Variants in SHANK2 observed in about 807,000 individuals in gnomAD.
SHANK2 encodes SH3 and multiple ankyrin repeat domains protein 2.
SHANK2 carries 43 observed loss-of-function variants against 133.7 expected under a neutral mutation model. That is an observed-to-expected ratio of 0.32 (90% CI 0.25 to 0.41). The LOEUF is 0.41. Ranked by LOEUF, SHANK2 falls within the 10% of genes least tolerant of loss-of-function variation. SHANK2 has a pLI of 1.00. For synonymous variants in SHANK2, 1,017 were observed against 952.8 expected, an observed-to-expected ratio of 1.07 and a Z score of -1.24; for missense variants, 1,994 against 2,235.8, an observed-to-expected ratio of 0.89 and a Z score of 2.18.
chr11:71,205,602 C>T (rs1298432150), intron 2 of SHANK2, among the ~76,000 whole-genome samples: 1 of 152,172 alleles, frequency 6.6e-6, no homozygotes, highest in African/African-American at 2.4e-5. Flanking sequence ...AAGTCCGAGT[C>T]GGCCACCCAG....
chr11:70,820,228 G>C (rs1948486868), intron 12 of SHANK2, 136 bp downstream of exon 12: 1 of 568,004 alleles, frequency 1.8e-6, no homozygotes, highest in African/African-American at 1.9e-5. Context: ...GCAAAACTCA[G>C]GCATGAAAGT....
chr11:70,529,692 T>A, intron 17 of SHANK2, among the ~76,000 whole-genome samples: 1 of 152,052 alleles, frequency 6.6e-6, no homozygotes, highest in East Asian at 1.9e-4. Context: ...TCATAAGCAG[T>A]CACTCCCCTC....
rs1224507944 is a variant in SHANK2, at chr11:71,110,666, C to T, written c.484-617G>A. Among the ~76,000 whole-genome samples, 8 of 152,290 alleles carry T rather than the reference C, an allele frequency of 5.3e-5. No homozygotes were observed. The South Asian group carries it at 8.3e-4, about 16-fold the overall frequency. ...CTGGTGCACTCGGGAGACCCACCCTCGCCAGGGTGCACCACAAGCCCTGAG... is the reference window on the plus strand; with the variant it reads ...CTGGTGCACTCGGGAGACCCACCCTTGCCAGGGTGCACCACAAGCCCTGAG... On this transcript the variant is annotated intron_variant, in intron 5 of 25. Coordinates refer to ENST00000601538, the MANE Select transcript of SHANK2 (RefSeq NM_012309.5).
intron 11 of SHANK2, among the ~76,000 whole-genome samples, chr11:70,874,254 A>T (rs1555070762): frequency 6.6e-6 from 1 of 151,904 alleles, no homozygotes; most frequent in East Asian, 1.9e-4. Context: ...CTATCCCTCT[A>T]ATCTAATCTA....
chr11:70,863,277 T>A, intron 11 of SHANK2: 1 of 455,532 alleles, frequency 2.2e-6, no homozygotes, highest in Non-Finnish European at 4.4e-6. Flanking sequence ...TGGCTGTCTC[T>A]GTTTCAGCTG....
At chr11:71,120,100 G>C (rs1952055733) in intron 3 of SHANK2, among the ~76,000 whole-genome samples, 1 of 152,154 alleles carries the variant, frequency 6.6e-6, no homozygotes, top group Non-Finnish European at 1.5e-5. Context: ...GTTAAATAGT[G>C]TCAACAGGGC....
intron 2 of SHANK2, among the ~76,000 whole-genome samples, chr11:71,204,740 A>C (rs1555117733): frequency 6.6e-6 from 1 of 152,024 alleles, no homozygotes; most frequent in East Asian, 1.9e-4. Flanking sequence ...CCAAGAATGC[A>C]CTCATTCTGG....
rs782069011 is a variant in SHANK2 at position 70,908,050 on chromosome 11, G to A, written c.1108-11483C>T. ...CGGGAAGTGGAGGTTGCAGTGAGCC[G>A]GGATCGTGCCATTGCACTCTGCGCA... On this transcript the variant is annotated intron_variant, in intron 10 of 25. Transcript: ENST00000601538. The A allele has an allele frequency of 5.7e-5, 22 of 388,354 alleles. No individual in the cohort carries two copies. In the Middle Eastern group the frequency reaches 1.3e-3, roughly 22 times the overall value. The allele number at this position is 388,354 out of a possible 1,614,324, so 24.1% of individuals were successfully genotyped here. A position where few individuals can be genotyped will look rare whatever the true frequency, so the allele number is the denominator to read the frequency against.
At chr11:70,505,792 C>A (rs1416959627) in intron 17 of SHANK2, among the ~76,000 whole-genome samples, 1 of 152,086 alleles carries the variant, frequency 6.6e-6, no homozygotes, top group African/African-American at 2.4e-5. Context: ...GGGACTTTAA[C>A]AGCCTGGCCA....
At chr11:70,823,815 G>A (rs893489390) in intron 11 of SHANK2, among the ~76,000 whole-genome samples, 21 of 149,062 alleles carry the variant, frequency 1.4e-4, no homozygotes, top group African/African-American at 4.7e-4. Context: ...GGCGGTGGCC[G>A]AGTTCATGAG....
At chr11:70,493,164 T>C (rs1420699821) in intron 21 of SHANK2, among the ~76,000 whole-genome samples, 1 of 151,490 alleles carries the variant, frequency 6.6e-6, no homozygotes, top group Non-Finnish European at 1.5e-5. Flanking sequence ...TTTTGAAGTT[T>C]TTTTTTTTGT....
At chr11:70,526,772 C>T (rs1225402497) in intron 17 of SHANK2, among the ~76,000 whole-genome samples, 1 of 152,086 alleles carries the variant, frequency 6.6e-6, no homozygotes, top group Admixed American at 6.5e-5. Flanking sequence ...CTCCCCCTCC[C>T]CTACTCTCAG....
Position 70,608,847 on chromosome 11 carries a change from C to A in SHANK2, c.2061+50981G>T, listed in dbSNP as rs182444595. 1.5e-3 allele frequency among the ~76,000 whole-genome samples: 224 copies of A among 152,346 alleles called. 1 individual carries two copies. Among genetic ancestry groups the A allele is most frequent in the African/African-American group, 5.1e-3 (211 of 41,584 alleles). On this transcript the variant is annotated intron_variant, in intron 17 of 25. Transcript: ENST00000601538. ...TCTATTACGCAAAACCTCATTCCAG[C>A]GGCTATAAATAACCCTTACAACACA...
chr11:70,661,790 G>T (rs1555013486), intron 15 of SHANK2, 112 bp from the exon 16 acceptor site: 1 of 1,613,130 alleles, frequency 6.2e-7, no homozygotes, highest in South Asian at 1.1e-5. Context: ...ACCCCAGCTC[G>T]CCAGATCCAG....
At chr11:70,502,368 C>A in intron 18 of SHANK2, 82 bp from the exon 19 acceptor site, 2 of 1,358,560 alleles carry the variant, frequency 1.5e-6, no homozygotes, top group Non-Finnish European at 2.0e-6. Flanking sequence ...GGCCCTGTGG[C>A]TGGCAGGTGG....
At chr11:70,877,611 A>G (rs1358842239) in intron 11 of SHANK2, among the ~76,000 whole-genome samples, 1 of 152,126 alleles carries the variant, frequency 6.6e-6, no homozygotes, top group Non-Finnish European at 1.5e-5. Context: ...GGACTCTACC[A>G]AGGGCCTGAT....
rs7106680 is a variant in SHANK2, at chr11:70,554,265, G to A, written c.2062-51334C>T. On this transcript the variant is annotated intron_variant, in intron 17 of 25. Transcript: ENST00000601538. ...CCCCTCCTAAGAGCCTGGCTTTGATGAGCCCCCAAGGGGGTCCAGTCTCAG... is the reference window on the plus strand; with the variant it reads ...CCCCTCCTAAGAGCCTGGCTTTGATAAGCCCCCAAGGGGGTCCAGTCTCAG... Among the ~76,000 whole-genome samples, 170 of 152,256 alleles carry A rather than the reference G, an allele frequency of 1.1e-3. 1 individual carries two copies. Among genetic ancestry groups the A allele is most frequent in the African/African-American group, 3.9e-3 (163 of 41,540 alleles).
intron 17 of SHANK2, among the ~76,000 whole-genome samples, chr11:70,616,032 G>A (rs181136451): frequency 3.3e-5 from 5 of 152,208 alleles, no homozygotes; most frequent in African/African-American, 1.2e-4. Context: ...CCTGCCTCTG[G>A]GAAATGGACA....
chr11:71,195,596 T>A (rs1246397657), intron 2 of SHANK2, among the ~76,000 whole-genome samples: 1 of 151,500 alleles, frequency 6.6e-6, no homozygotes, highest in African/African-American at 2.4e-5. Flanking sequence ...CGAAACAGAG[T>A]TTTTTCATAG....
Sources: allele counts gnomAD v4.1 joint callset (sites outside exome capture counted in the v4.1 genomes callset), GRCh38; gene constraint gnomAD v4.1.1; transcripts MANE v1.5; gene names NCBI Gene and HGNC (gene_info 2026-07-23, HGNC 2026-07-21).